Variants in ERBB4 observed in about 807,000 individuals in gnomAD.
ERBB4 encodes the protein erb-b2 receptor tyrosine kinase 4.
ERBB4 carries 42 observed loss-of-function variants against 158.0 expected under a neutral mutation model. That is an observed-to-expected ratio of 0.27 (90% CI 0.21 to 0.34). ERBB4 has a LOEUF of 0.34. ERBB4 is among the 10% of genes least tolerant of loss of function. The pLI, the probability that ERBB4 is intolerant of heterozygous loss-of-function variation, is 1.00. For missense variants in ERBB4, 1,333 were observed against 1,624.1 expected (o/e 0.82, Z 3.08); for synonymous variants, 583 against 558.7 (o/e 1.04, Z -0.61).
At chr2:211,758,827 T>G (rs1370198341) in intron 4 of ERBB4, among the ~76,000 whole-genome samples, 1 of 152,208 alleles carries the variant, frequency 6.6e-6, no homozygotes, top group Non-Finnish European at 1.5e-5. Flanking sequence ...CCAAGGATGT[T>G]CTAAGCATTT....
At chr2:211,992,565 G>C (rs78893032) in intron 2 of ERBB4, among the ~76,000 whole-genome samples, 1 of 122,604 alleles carries the variant, frequency 8.2e-6, no homozygotes, top group African/African-American at 3.0e-5. Context: ...GAGAGAGAGA[G>C]AGAAAAAAAA....
chr2:212,340,992 T>C (rs2088682772), intron 1 of ERBB4, among the ~76,000 whole-genome samples: 1 of 152,206 alleles, frequency 6.6e-6, no homozygotes. Context: ...GGCTCTTTGC[T>C]TTATTTGAGA....
chr2:211,633,841 A>G (rs2125880469), intron 16 of ERBB4, among the ~76,000 whole-genome samples: 1 of 152,152 alleles, frequency 6.6e-6, no homozygotes, highest in Non-Finnish European at 1.5e-5. Context: ...TATACATCTA[A>G]CAAAGGTCAA....
intron 3 of ERBB4, among the ~76,000 whole-genome samples, chr2:211,921,516 C>T (rs1388549302): frequency 6.6e-6 from 1 of 152,050 alleles, no homozygotes; most frequent in Non-Finnish European, 1.5e-5. Flanking sequence ...TCCAGCTATC[C>T]ATTCAACAAA....
intron 3 of ERBB4, among the ~76,000 whole-genome samples, chr2:211,882,071 A>C (rs1023512008): frequency 2.6e-5 from 4 of 152,142 alleles, no homozygotes; most frequent in Non-Finnish European, 4.4e-5. Context: ...CACCACAACA[A>C]CACCCCTGCT....
rs113273369 is a variant in ERBB4 at position 211,482,798 on chromosome 2, G to A, written c.2488-51698C>T. On this transcript the variant is annotated intron_variant, in intron 20 of 27. Transcript: ENST00000342788. ...CACATGTCTGTAATCCCAGCTACGC[G>A]GGAGGCTGAGGCAGGAGAATCGCTT... Among the ~76,000 whole-genome samples the A allele has an allele frequency of 5.6e-3, 856 of 152,160 alleles. 9 individuals are homozygous for A. Among genetic ancestry groups the A allele is most frequent in the African/African-American group, 0.019 (772 of 41,524 alleles).
intron 3 of ERBB4, among the ~76,000 whole-genome samples, chr2:211,905,052 A>C: frequency 6.6e-6 from 1 of 152,134 alleles, no homozygotes. Flanking sequence ...AAAACAGCAC[A>C]AACTTACCGC....
In ERBB4 at chr2:211,719,770, G is replaced by A. The variant is rs796098910; in HGVS notation, c.883+2623C>T. Among the ~76,000 whole-genome samples, 25 of 151,262 alleles carry A rather than the reference G, an allele frequency of 1.7e-4. 2 individuals carry two copies. Among genetic ancestry groups the A allele is most frequent in the African/African-American group, 5.8e-4 (24 of 41,174 alleles). ...CTCGGGAGGCTAAGGCAGGAGAATC[G>A]CTTGAACCCGGGATGCAGAGGTTGC... is the stretch of plus-strand genomic sequence containing the variant. On this transcript the variant is annotated intron_variant, in intron 7 of 27. Coordinates refer to ENST00000342788, the MANE Select transcript of ERBB4 (RefSeq NM_005235.3).
At chr2:211,707,791 T>C (rs1321444222) in intron 9 of ERBB4, among the ~76,000 whole-genome samples, 1 of 152,192 alleles carries the variant, frequency 6.6e-6, no homozygotes, top group Non-Finnish European at 1.5e-5. Flanking sequence ...AAACTAAACA[T>C]GCCAATTAAC....
At chr2:211,837,011 C>T (rs1049885985) in intron 3 of ERBB4, among the ~76,000 whole-genome samples, 2 of 151,956 alleles carry the variant, frequency 1.3e-5, no homozygotes, top group African/African-American at 2.4e-5. Context: ...AAGAAAAATG[C>T]CATTAAGCAA....
At chr2:212,443,739 T>G (rs2105987294) in intron 1 of ERBB4, among the ~76,000 whole-genome samples, 1 of 152,294 alleles carries the variant, frequency 6.6e-6, no homozygotes, top group South Asian at 2.1e-4. Context: ...ATAGGGATGC[T>G]GTATGAAGCC....
chr2:211,734,401 G>A (rs1439787116), intron 5 of ERBB4, among the ~76,000 whole-genome samples: 1 of 152,004 alleles, frequency 6.6e-6, no homozygotes, highest in East Asian at 1.9e-4. Context: ...AGACTAATTT[G>A]TCTCTATCAA....
Position 211,861,018 on chromosome 2 carries a change from A to ATATATT in ERBB4, c.422-72860_422-72859insAATATA, listed in dbSNP as rs1553648269. Among the ~76,000 whole-genome samples, 6 of 20,932 alleles carry ATATATT rather than the reference A, an allele frequency of 2.9e-4. 1 individual carries two copies. Among genetic ancestry groups the ATATATT allele is most frequent in the African/African-American group, 2.0e-3 (6 of 2,964 alleles). The allele number at this position is 20,932 out of a possible 152,430, so 13.7% of individuals were successfully genotyped here. ...TAATATATTATATATTTATATATTT[A>ATATATT]TATATATATAAATATAATATATTTA... On this transcript the variant is annotated intron_variant, in intron 3 of 27. Transcript: ENST00000342788.
intron 2 of ERBB4, among the ~76,000 whole-genome samples, chr2:212,067,553 C>G (rs1270468869): frequency 6.6e-6 from 1 of 151,950 alleles, no homozygotes; most frequent in East Asian, 1.9e-4. Context: ...AACTGGACAG[C>G]ATTATGTAAA....
chr2:211,459,948 G>C (rs1002019215), intron 20 of ERBB4, among the ~76,000 whole-genome samples: 5 of 152,054 alleles, frequency 3.3e-5, no homozygotes, highest in Non-Finnish European at 7.4e-5. Context: ...ATTAAGCTTA[G>C]AGGAGAGTAG....
At chr2:211,468,102 A>T (rs2064740768) in intron 20 of ERBB4, among the ~76,000 whole-genome samples, 1 of 152,174 alleles carries the variant, frequency 6.6e-6, no homozygotes, top group Non-Finnish European at 1.5e-5. Flanking sequence ...ATTTTTGGAC[A>T]TCCACTCTAC....
intron 1 of ERBB4, among the ~76,000 whole-genome samples, chr2:212,393,805 C>T (rs555969678): frequency 6.6e-6 from 1 of 152,136 alleles, no homozygotes; most frequent in African/African-American, 2.4e-5. Context: ...GTCTACATTT[C>T]CTAGCTTCCT....
chr2:212,128,765 T>C (rs1439958659), intron 1 of ERBB4, among the ~76,000 whole-genome samples: 2 of 152,194 alleles, frequency 1.3e-5, no homozygotes, highest in Admixed American at 6.5e-5. Context: ...CGACATTTTA[T>C]TGGCTCTGTG....
chr2:212,465,164 T>C (rs1280064998), intron 1 of ERBB4, among the ~76,000 whole-genome samples: 3 of 152,140 alleles, frequency 2.0e-5, no homozygotes, highest in Non-Finnish European at 2.9e-5. Flanking sequence ...ATTTATATAA[T>C]TCTCTCTAGA....
Sources: allele counts gnomAD v4.1 joint callset (sites outside exome capture counted in the v4.1 genomes callset), GRCh38; gene constraint gnomAD v4.1.1; transcripts MANE v1.5; gene names NCBI Gene and HGNC (gene_info 2026-07-23, HGNC 2026-07-21).